COL4A1: variants seen among roughly 807,000 people sequenced by gnomAD.
The protein encoded by COL4A1 is collagen type IV alpha 1 chain, also known as collagen alpha-1(IV) chain.
Under a neutral mutation model 216.6 loss-of-function variants are expected in COL4A1, and 40 were observed. The ratio of observed to expected loss-of-function variants is 0.18; its 90% CI spans 0.14 to 0.24. COL4A1 has a LOEUF of 0.24. Among genes scored for constraint, COL4A1 ranks in the 10% least tolerant of loss-of-function variants. The pLI is 1.00. For missense variants in COL4A1, 1,628 were observed against 2,196.8 expected, an observed-to-expected ratio of 0.74 and a Z score of 5.18; for synonymous variants, 839 against 810.7, an observed-to-expected ratio of 1.03 and a Z score of -0.59.
intron 2 of COL4A1, among the ~76,000 whole-genome samples, chr13:110,227,529 C>T (rs1880798559): frequency 6.6e-6 from 1 of 151,948 alleles, no homozygotes. Context: ...GTTGGGGGCA[C>T]CTGGTTCCCA....
At chr13:110,200,502 T>C (rs564417888) in intron 20 of COL4A1, among the ~76,000 whole-genome samples, 8 of 152,074 alleles carry the variant, frequency 5.3e-5, no homozygotes, top group African/African-American at 1.7e-4. Context: ...CTGACTGTGC[T>C]AGAATCGGGG....
chr13:110,264,801 C>T (rs893067293), intron 1 of COL4A1, among the ~76,000 whole-genome samples: 1 of 152,110 alleles, frequency 6.6e-6, no homozygotes, highest in South Asian at 2.1e-4. Flanking sequence ...CCTTCCTCTC[C>T]CCTTACTCAG....
intron 19 of COL4A1, 21 bp from the exon 20 acceptor site, chr13:110,200,910 T>C: frequency 1.2e-6 from 2 of 1,613,820 alleles, no homozygotes; most frequent in Non-Finnish European, 1.7e-6. Flanking sequence ...AAAGAGAGTG[T>C]TGGATCAAAC....
In COL4A1 at chr13:110,307,105, G is replaced by A. The variant is rs942552844; in HGVS notation, c.-78C>T. On this transcript the variant is annotated 5_prime_UTR_variant, in exon 1 of 52. Transcript: ENST00000375820. This position sits in a 1 kb window ranked among gnomAD's most constrained non-coding sequence, Gnocchi z 5.0. ...GCGGACAGCTAGCTCTCGGAAGGCC[G>A]GACTTCCAGCGCTACGCACCGTCCC... 9.9e-6 allele frequency: 12 copies of A among 1,218,100 alleles called. No individual in the cohort carries two copies. The highest frequency in any genetic ancestry group is 1.3e-5 in the Non-Finnish European group (12 of 925,888). The allele number at this position is 1,218,100 out of a possible 1,614,324, so 75.5% of individuals were successfully genotyped here.
chr13:110,211,823 T>A lies in COL4A1; in HGVS notation c.441+46A>T. 1 of 1,599,892 alleles carries A rather than the reference T, an allele frequency of 6.3e-7. No individual in the cohort carries two copies. The highest frequency in any genetic ancestry group is 8.6e-7 in the Non-Finnish European group (1 of 1,167,646). On this transcript the variant is annotated intron_variant, in intron 7 of 51. Coordinates refer to ENST00000375820, the MANE Select transcript of COL4A1 (RefSeq NM_001845.6). This position sits in a 1 kb window ranked among gnomAD's most constrained non-coding sequence, Gnocchi z 4.3. ...AGGAAATGGAATGAAAAGAGAGAAGTCATAACTAAAAGAAAGAAGTTCTGC... is the reference window on the plus strand; with the variant it reads ...AGGAAATGGAATGAAAAGAGAGAAGACATAACTAAAAGAAAGAAGTTCTGC...
chr13:110,185,029 C>T (rs1878338964), intron 26 of COL4A1, among the ~76,000 whole-genome samples: 1 of 152,228 alleles, frequency 6.6e-6, no homozygotes. Context: ...ATTCATAAAA[C>T]AGGCTCAATA....
chr13:110,241,957 G>A (rs893467861), intron 2 of COL4A1, among the ~76,000 whole-genome samples: 1 of 152,178 alleles, frequency 6.6e-6, no homozygotes, highest in African/African-American at 2.4e-5. Flanking sequence ...ACCAAAGGCT[G>A]AGTGGCTTAA....
At chr13:110,175,538 A>T (rs1405554363) in intron 36 of COL4A1, among the ~76,000 whole-genome samples, 181 bp from the exon 37 acceptor site, 1 of 152,192 alleles carries the variant, frequency 6.6e-6, no homozygotes. Context: ...GACCCAGAAC[A>T]CGTCAGTCAC....
intron 10 of COL4A1, 144 bp downstream of exon 10, chr13:110,209,836 G>C: frequency 9.7e-7 from 1 of 1,029,712 alleles, no homozygotes; most frequent in Non-Finnish European, 1.5e-6. Flanking sequence ...CAAACGTTTA[G>C]TAAGAGGGAA....
intron 26 of COL4A1, 69 bp from the exon 27 acceptor site, chr13:110,183,345 G>A (rs998700956): frequency 6.9e-6 from 10 of 1,456,488 alleles, no homozygotes; most frequent in South Asian, 2.4e-5. Flanking sequence ...GGGAGGACAC[G>A]CAGTGGGTGG....
chr13:110,276,006 G>T, intron 1 of COL4A1, among the ~76,000 whole-genome samples: 1 of 151,964 alleles, frequency 6.6e-6, no homozygotes. Flanking sequence ...TTATCTATTT[G>T]TCCAAATGCA....
chr13:110,275,835 A>G (rs190316000), intron 1 of COL4A1, among the ~76,000 whole-genome samples: 3 of 152,322 alleles, frequency 2.0e-5, no homozygotes, highest in East Asian at 1.9e-4. Context: ...TAAGACAACT[A>G]TAAGAGAGTC....
chr13:110,166,274 T>C lies in COL4A1; in HGVS notation c.3979A>G (p.Ile1327Val). ...CCTTGATCGCCTTGATCACCTTTAA[T>C]TCCCTGGAGGCCAGGAAGACCTTTT... ...GPKGLPGLQG[I>V]KGDQGDQGVP... Residue 1327 changes from isoleucine (I) to valine (V), a missense_variant, in exon 45 of 52, where the codon ATT becomes GTT. Coordinates refer to ENST00000375820, the MANE Select transcript of COL4A1 (RefSeq NM_001845.6). 6.2e-7 allele frequency: 1 copy of C among 1,612,644 alleles called. No homozygotes were observed.
chr13:110,172,811 A>G (rs371218017), intron 40 of COL4A1, 41 bp from the exon 41 acceptor site: 1 of 1,555,578 alleles, frequency 6.4e-7, no homozygotes, highest in African/African-American at 1.4e-5. Context: ...TCTTTACTTA[A>G]ACAATCCATC....
chr13:110,277,090 A>G (rs920888891), intron 1 of COL4A1, among the ~76,000 whole-genome samples: 2 of 152,204 alleles, frequency 1.3e-5, no homozygotes, highest in Non-Finnish European at 2.9e-5. Context: ...TTAGATAACC[A>G]ATGTATAGTA....
At chr13:110,174,059 A>G in intron 39 of COL4A1, 61 bp from the exon 40 acceptor site, 1 of 1,566,634 alleles carries the variant, frequency 6.4e-7, no homozygotes, top group Non-Finnish European at 8.8e-7. Context: ...TAGCTGCCAT[A>G]CAAAATGGCC....
chr13:110,271,399 G>C (rs568055268), intron 1 of COL4A1, among the ~76,000 whole-genome samples: 1 of 152,192 alleles, frequency 6.6e-6, no homozygotes, highest in Admixed American at 6.5e-5. Flanking sequence ...GGCACCACCT[G>C]AGCCAACCCT....
chr13:110,152,283 TAA>T (rs1194474695), intron 51 of COL4A1, 49 bp downstream of exon 51: 2 of 1,609,706 alleles, frequency 1.2e-6, no homozygotes, highest in South Asian at 2.2e-5. Flanking sequence ...GATTAAAAAA[TAA>T]AGTCACAAAG....
At position 110,149,872 on chromosome 13, in the gene COL4A1, T is replaced by C. The variant is rs116538870; in HGVS notation, c.*491A>G. ...AAGATATGGCTACTGAGTCTGTAATTCCATTTGGAGGTTCAAAAAACCATT... is the reference window on the plus strand; with the variant it reads ...AAGATATGGCTACTGAGTCTGTAATCCCATTTGGAGGTTCAAAAAACCATT... On this transcript the variant is annotated 3_prime_UTR_variant, in exon 52 of 52. Transcript: ENST00000375820. The C allele has an allele frequency of 2.3e-3, 414 of 183,686 alleles. 2 individuals carry two copies. Among genetic ancestry groups the C allele is most frequent in the African/African-American group, 9.1e-3 (384 of 42,250 alleles). 11.4% of individuals were successfully genotyped at this position (183,686 alleles called of 1,614,324 possible).
Sources: allele counts gnomAD v4.1 joint callset (sites outside exome capture counted in the v4.1 genomes callset), GRCh38; gene constraint gnomAD v4.1.1; non-coding constraint Gnocchi (gnomAD v3.1); transcripts MANE v1.5; gene names NCBI Gene and HGNC (gene_info 2026-07-23, HGNC 2026-07-21).